CRYZL1: variants seen among roughly 807,000 people sequenced by gnomAD.
CRYZL1 encodes the protein ferry endosomal RAB5 effector complex subunit 4.
Under a neutral mutation model 50.6 loss-of-function variants are expected in CRYZL1, and 34 were observed. The ratio of observed to expected loss-of-function variants is 0.67; its 90% CI spans 0.51 to 0.89. The LOEUF (loss-of-function observed/expected upper bound fraction) is 0.89, where lower values mean the gene tolerates loss of function less well. Ranked by LOEUF, CRYZL1 falls within the 40% of genes least tolerant of loss-of-function variation. The pLI is 0.00. For missense variants in CRYZL1, 354 were observed against 402.3 expected, an observed-to-expected ratio of 0.88 and a Z score of 1.03; for synonymous variants, 125 against 134.3, an observed-to-expected ratio of 0.93 and a Z score of 0.48.
chr21:33,617,476 G>A (rs925622736), intron 4 of CRYZL1, among the ~76,000 whole-genome samples: 4 of 152,118 alleles, frequency 2.6e-5, no homozygotes, highest in African/African-American at 9.7e-5. Flanking sequence ...AATGCAGCAG[G>A]ACAAGCCGCA....
chr21:33,611,851 T>C (rs1418193881), intron 6 of CRYZL1, among the ~76,000 whole-genome samples: 1 of 152,218 alleles, frequency 6.6e-6, no homozygotes, highest in Non-Finnish European at 1.5e-5. Flanking sequence ...AACATATGCT[T>C]AATTTTGTAC....
chr21:33,623,160 T>A (rs2087022171), intron 3 of CRYZL1, among the ~76,000 whole-genome samples: 1 of 152,068 alleles, frequency 6.6e-6, no homozygotes, highest in Non-Finnish European at 1.5e-5. Flanking sequence ...GAGATAGGGT[T>A]TCACCATGTT....
chr21:33,627,112 GA>G (rs1229403779), intron 2 of CRYZL1, among the ~76,000 whole-genome samples: 1 of 152,178 alleles, frequency 6.6e-6, no homozygotes, highest in Admixed American at 6.5e-5. Context: ...CCTGATCAAT[GA>G]TAGAAGCCAA....
chr21:33,623,433 T>C (rs1171218117), intron 3 of CRYZL1, among the ~76,000 whole-genome samples: 1 of 152,238 alleles, frequency 6.6e-6, no homozygotes, highest in Non-Finnish European at 1.5e-5. Flanking sequence ...TACTATAATT[T>C]ACTATTTATT....
intron 1 of CRYZL1, among the ~76,000 whole-genome samples, chr21:33,637,522 T>C (rs1430621645): frequency 4.0e-5 from 6 of 151,320 alleles, no homozygotes; most frequent in Non-Finnish European, 8.8e-5. Context: ...GCTGTGGCGA[T>C]AGGCTGCCAA....
At chr21:33,625,133 T>C (rs1421599024) in intron 2 of CRYZL1, among the ~76,000 whole-genome samples, 1 of 151,870 alleles carries the variant, frequency 6.6e-6, no homozygotes, top group Non-Finnish European at 1.5e-5. Context: ...TAAACACATA[T>C]ACACATAACG....
intron 8 of CRYZL1, among the ~76,000 whole-genome samples, chr21:33,600,681 A>G (rs2086741768): frequency 6.7e-6 from 1 of 149,128 alleles, no homozygotes; most frequent in Non-Finnish European, 1.5e-5. Flanking sequence ...TCTGGAGTGC[A>G]GTGGCGCGAT....
chr21:33,597,238 C>A (rs747024237), intron 10 of CRYZL1, 42 bp downstream of exon 10: 98 of 1,589,958 alleles, frequency 6.2e-5, no homozygotes, highest in Non-Finnish European at 7.5e-5. Context: ...TTAATTACAC[C>A]CCTTTGGTGT....
At chr21:33,591,945 T>C (rs1451911791) in intron 11 of CRYZL1, among the ~76,000 whole-genome samples, 1 of 146,154 alleles carries the variant, frequency 6.8e-6, no homozygotes, top group Non-Finnish European at 1.5e-5. Flanking sequence ...AACAGAGCAA[T>C]ACCCTGTCTC....
intron 9 of CRYZL1, among the ~76,000 whole-genome samples, chr21:33,598,917 C>A (rs143728810): frequency 1.0e-3 from 153 of 151,666 alleles, no homozygotes; most frequent in Middle Eastern, 6.8e-3. Flanking sequence ...AGATTGGACA[C>A]CCCTAGTCTA....
chr21:33,626,073 C>T (rs1369965135), intron 2 of CRYZL1, among the ~76,000 whole-genome samples: 1 of 152,054 alleles, frequency 6.6e-6, no homozygotes, highest in African/African-American at 2.4e-5. Context: ...CCTGCCTCAG[C>T]CTCCTGAGTA....
At position 33,624,733 on chromosome 21, in the gene CRYZL1, A is replaced by G; in HGVS notation, c.94T>C (p.Phe32Leu). ...KEDLPVTEDN[F>L]VKLQVKACAL... ...CAAGCTTTAACTTGAAGTTTCACAAAGTTATCCTCTGTAACAGGAAGATCT... is the reference window on the plus strand; with the variant it reads ...CAAGCTTTAACTTGAAGTTTCACAAGGTTATCCTCTGTAACAGGAAGATCT... Residue 32 changes from phenylalanine to leucine, a missense_variant, in exon 3 of 13, where the codon TTT becomes CTT. Transcript: ENST00000381554. 6.3e-7 allele frequency: 1 copy of G among 1,595,956 alleles called. No individual in the cohort carries two copies. Among genetic ancestry groups the G allele is most frequent in the South Asian group, 1.2e-5 (1 of 86,924 alleles).
intron 2 of CRYZL1, among the ~76,000 whole-genome samples, chr21:33,626,733 G>C (rs1331133333): frequency 6.6e-6 from 1 of 150,556 alleles, no homozygotes; most frequent in African/African-American, 2.4e-5. Context: ...GAAATTCAAA[G>C]GCAAAAATAG....
rs994682686 is a variant in CRYZL1, at chr21:33,596,010, G to A, written c.799-174C>T. On this transcript the variant is annotated intron_variant, in intron 10 of 12. Transcript: ENST00000381554. ...TATTTTCTATTTCATGGTCCAAAAT[G>A]ATGAAACAGCGAGGTGATAAGTACA... 3 of 623,336 alleles carry A rather than the reference G, an allele frequency of 4.8e-6. No homozygotes were observed. In the African/African-American group the frequency reaches 5.6e-5, roughly 12 times the overall value. 38.6% of individuals were successfully genotyped at this position (623,336 alleles called of 1,614,324 possible).
chr21:33,634,255 T>C (rs951368137), intron 1 of CRYZL1, among the ~76,000 whole-genome samples: 2 of 152,146 alleles, frequency 1.3e-5, no homozygotes, highest in African/African-American at 4.8e-5. Flanking sequence ...CTAACCTCCT[T>C]TGAAGGCTCT....
In CRYZL1 at chr21:33,612,342, A is replaced by G. The variant is rs1000831948; in HGVS notation, c.331+1196T>C. On this transcript the variant is annotated intron_variant, in intron 6 of 12. Transcript: ENST00000381554. The stretch of plus-strand genomic sequence containing the variant: ...ACTCTTGTCACCCAGGCTGGAGTGC[A>G]GTGGTGCCATCTCGGCTCCCTGTAA... 2.0e-5 allele frequency among the ~76,000 whole-genome samples: 3 copies of G among 148,734 alleles called. No homozygotes were observed. The Admixed American group carries it at 2.0e-4, about 10-fold the overall frequency.
chr21:33,590,786 G>A (rs2086636509), intron 12 of CRYZL1, among the ~76,000 whole-genome samples: 1 of 152,164 alleles, frequency 6.6e-6, no homozygotes, highest in African/African-American at 2.4e-5. Flanking sequence ...TCTCCTTCAA[G>A]CTATTGGTTA....
intron 11 of CRYZL1, chr21:33,595,251 T>G (rs908837578): frequency 4.1e-6 from 4 of 977,058 alleles, no homozygotes; most frequent in Non-Finnish European, 5.3e-6. Flanking sequence ...TGATAAAGAT[T>G]TCCTAGCATT....
At position 33,589,841 on chromosome 21, in the gene CRYZL1, T is replaced by G; in HGVS notation, c.1031A>C (p.Lys344Thr). The G allele has an allele frequency of 6.2e-7, 1 of 1,611,358 alleles. No individual in the cohort carries two copies. The highest frequency in any genetic ancestry group is 8.5e-7 in the Non-Finnish European group (1 of 1,177,636). Residue 344 changes from lysine (K) to threonine (T), a missense_variant, in exon 13 of 13, where the codon AAG (lysine) becomes ACG (threonine). By Grantham distance (78) the Lys-to-Thr change is moderately conservative. Coordinates refer to ENST00000381554, the MANE Select transcript of CRYZL1 (RefSeq NM_145858.3). ...AGAAAATTAAAATTGAACAACTTGC[T>G]TTTTTCTTCCTTGATTTTTCTGAAC... ...EAVQKNQGRK[K>T]QVVQF
Sources: gnomAD v4.1 joint callset for allele counts (sites outside exome capture counted in the v4.1 genomes callset) on GRCh38, gnomAD v4.1.1 for gene constraint, MANE v1.5 for transcripts, NCBI Gene and HGNC (gene_info 2026-07-23, HGNC 2026-07-21) for gene names.